The following PCDH9 variants were observed in gnomAD, a reference collection of about 807,000 sequenced individuals.
The protein encoded by PCDH9 is protocadherin-9.
In PCDH9, 24 loss-of-function variants were observed where a neutral mutation model predicts 70.6. The observed-to-expected ratio is 0.34, with a 90% CI of 0.25 to 0.48. PCDH9 has a LOEUF of 0.48. Among genes scored for constraint, PCDH9 ranks in the 20% least tolerant of loss-of-function variants. The pLI, the probability that PCDH9 is intolerant of heterozygous loss-of-function variation, is 0.99. For synonymous variants in PCDH9, 562 were observed against 558.5 expected, an observed-to-expected ratio of 1.01 and a Z score of -0.09; for missense variants, 1,281 against 1,503.6, an observed-to-expected ratio of 0.85 and a Z score of 2.45.
intron 2 of PCDH9, among the ~76,000 whole-genome samples, chr13:67,089,284 T>A (rs1044694048): frequency 1.1e-4 from 17 of 152,036 alleles, no homozygotes; most frequent in Non-Finnish European, 2.5e-4. Context: ...TATATGGGAT[T>A]GTATTTTATT....
At chr13:66,504,593 A>G (rs1053874484) in intron 4 of PCDH9, among the ~76,000 whole-genome samples, 5 of 152,176 alleles carry the variant, frequency 3.3e-5, no homozygotes, top group African/African-American at 1.2e-4. Flanking sequence ...ACATATCAGT[A>G]GGTAATTCAT....
At chr13:66,511,836 C>T (rs751445848) in intron 4 of PCDH9, among the ~76,000 whole-genome samples, 1 of 151,990 alleles carries the variant, frequency 6.6e-6, no homozygotes, top group Admixed American at 6.6e-5. Flanking sequence ...TTCCTGAGGC[C>T]GCCCCAAAAG....
intron 2 of PCDH9, among the ~76,000 whole-genome samples, chr13:67,000,054 T>C (rs2084207025): frequency 6.6e-6 from 1 of 152,174 alleles, no homozygotes; most frequent in Admixed American, 6.5e-5. Flanking sequence ...GCGGCACTAT[T>C]CACAATAGCA....
chr13:66,321,388 A>G (rs1424092300), intron 4 of PCDH9, among the ~76,000 whole-genome samples: 1 of 152,042 alleles, frequency 6.6e-6, no homozygotes. Flanking sequence ...TTTTCCTCAT[A>G]TAAAGATGAG....
chr13:66,625,503 G>A (rs1593798109), intron 4 of PCDH9, among the ~76,000 whole-genome samples: 1 of 151,970 alleles, frequency 6.6e-6, no homozygotes, highest in East Asian at 1.9e-4. Context: ...CATTTAAATT[G>A]AATGCTGATG....
At chr13:66,326,055 C>G (rs1955837127) in intron 4 of PCDH9, among the ~76,000 whole-genome samples, 1 of 152,076 alleles carries the variant, frequency 6.6e-6, no homozygotes, top group African/African-American at 2.4e-5. Context: ...TGTTTCATAT[C>G]CAGAAAACTC....
chr13:66,353,754 A>G (rs1351381102), intron 4 of PCDH9, among the ~76,000 whole-genome samples: 2 of 152,158 alleles, frequency 1.3e-5, no homozygotes, highest in Admixed American at 6.5e-5. Context: ...TAAACAATGC[A>G]TTTCTGTTTG....
At chr13:66,305,051 A>T in intron 4 of PCDH9, 23 bp from the exon 5 acceptor site, 1 of 1,558,260 alleles carries the variant, frequency 6.4e-7, no homozygotes, top group Non-Finnish European at 8.7e-7. Context: ...AGAGAGAGAA[A>T]ATAAGAAAAG....
Position 66,736,327 on chromosome 13 carries a change from T to C in PCDH9, c.3139-104916A>G, listed in dbSNP as rs573437376. 2.0e-3 allele frequency among the ~76,000 whole-genome samples: 298 copies of C among 152,210 alleles called. 2 individuals are homozygous for C. Among genetic ancestry groups the C allele is most frequent in the Non-Finnish European group, 3.2e-3 (219 of 68,002 alleles). The stretch of plus-strand genomic sequence containing the variant: ...GGGTCCTAATCCAATCCGATGTCTG[T>C]AGATAGACCCAGCTTGGTCACCCAA... On this transcript the variant is annotated intron_variant, in intron 3 of 4. Coordinates refer to ENST00000377865, the MANE Select transcript of PCDH9 (RefSeq NM_203487.3).
chr13:66,692,286 T>C (rs780379755), intron 3 of PCDH9, among the ~76,000 whole-genome samples: 5 of 152,074 alleles, frequency 3.3e-5, no homozygotes, highest in Admixed American at 1.3e-4. Flanking sequence ...GATCACAATA[T>C]ATACATTATT....
At chr13:66,832,200 T>C (rs1426565720) in intron 3 of PCDH9, among the ~76,000 whole-genome samples, 1 of 152,116 alleles carries the variant, frequency 6.6e-6, no homozygotes, top group African/African-American at 2.4e-5. Flanking sequence ...TAAATAAAAA[T>C]TGCATAGTTT....
intron 2 of PCDH9, among the ~76,000 whole-genome samples, chr13:67,164,592 A>G (rs1388589871): frequency 1.3e-5 from 2 of 150,266 alleles, no homozygotes; most frequent in Admixed American, 6.6e-5. Flanking sequence ...AAAAAAAAAG[A>G]AAAAAAAGAA....
intron 4 of PCDH9, among the ~76,000 whole-genome samples, chr13:66,380,347 T>C (rs1275873953): frequency 6.6e-6 from 1 of 152,258 alleles, no homozygotes; most frequent in South Asian, 2.1e-4. Context: ...TCTAAAGATA[T>C]TACATATTCT....
intron 2 of PCDH9, among the ~76,000 whole-genome samples, chr13:66,916,356 G>A (rs956751839): frequency 1.3e-5 from 2 of 151,468 alleles, no homozygotes; most frequent in African/African-American, 4.8e-5. Flanking sequence ...AATCCAGATG[G>A]CCATTAATAG....
chr13:66,481,866 T>C (rs184101900), intron 4 of PCDH9, among the ~76,000 whole-genome samples: 2 of 152,230 alleles, frequency 1.3e-5, no homozygotes, highest in East Asian at 3.9e-4. Flanking sequence ...GTTTGAAAGA[T>C]ATCCAAAACA....
At chr13:66,564,262 T>C (rs1427685947) in intron 4 of PCDH9, among the ~76,000 whole-genome samples, 1 of 152,098 alleles carries the variant, frequency 6.6e-6, no homozygotes, top group Non-Finnish European at 1.5e-5. Context: ...TCTCCTGTGC[T>C]CAAGGGATCT....
chr13:66,801,357 C>T (rs1278373091), intron 3 of PCDH9, among the ~76,000 whole-genome samples: 1 of 151,922 alleles, frequency 6.6e-6, no homozygotes, highest in East Asian at 1.9e-4. Context: ...TGTTCTAGGA[C>T]AAAAGTATAG....
At chr13:66,696,164 A>G (rs140276162) in intron 3 of PCDH9, among the ~76,000 whole-genome samples, 3 of 152,258 alleles carry the variant, frequency 2.0e-5, no homozygotes, top group African/African-American at 4.8e-5. Context: ...TTAGAATTAT[A>G]CTGTAAGTGA....
chr13:66,970,983 G>T (rs958329755), intron 2 of PCDH9, among the ~76,000 whole-genome samples: 6 of 152,020 alleles, frequency 3.9e-5, no homozygotes, highest in South Asian at 2.1e-4. Flanking sequence ...CTGTGCAATT[G>T]TGTCAGTCCT....
Sources: allele counts gnomAD v4.1 joint callset (sites outside exome capture counted in the v4.1 genomes callset), GRCh38; gene constraint gnomAD v4.1.1; transcripts MANE v1.5; gene names NCBI Gene and HGNC (gene_info 2026-07-23, HGNC 2026-07-21).